LACTBL1: variants seen among roughly 807,000 people sequenced by gnomAD.
The protein encoded by LACTBL1 is beta-lactamase-like protein 1.
LACTBL1 carries 29 observed loss-of-function variants against 39.6 expected under a neutral mutation model. The ratio of observed to expected loss-of-function variants is 0.73; its 90% confidence interval spans 0.55 to 1.00. The LOEUF (loss-of-function observed/expected upper bound fraction) is 1.00. Ranked by LOEUF, LACTBL1 falls within the 50% of genes least tolerant of loss-of-function variation. The probability of loss-of-function intolerance (pLI) is 0.00; values close to 1 mark genes in which losing one functional copy is unlikely to be tolerated. For synonymous variants in LACTBL1, 361 were observed against 360.7 expected (o/e 1.00, Z -0.01); for missense variants, 711 against 748.5 (o/e 0.95, Z 0.59).
chr1:22,971,933 C>T, the LACTBL1 span, among the ~76,000 whole-genome samples: 2 of 152,096 alleles, frequency 1.3e-5, no homozygotes, highest in East Asian at 3.9e-4. Context: ...TCAGGGCTCA[C>T]AGATACAGAT....
At chr1:22,972,343 C>G in the LACTBL1 span, 1 of 985,084 alleles carries the variant, frequency 1.0e-6, no homozygotes, top group Non-Finnish European at 1.2e-6. Context: ...AAGATTCTGG[C>G]TCTTTGAGGA....
chr1:22,961,985 A>G lies in LACTBL1; in HGVS notation c.159+1122T>C, dbSNP rs112842980. ...CTGCTCTTGAACTCCTGACCTCATG[A>G]TCCACCCATCTCGGCCTCCCAAAGT... is the stretch of plus-strand genomic sequence containing the variant. On this transcript the variant is annotated intron_variant, in intron 2 of 5. Transcript: ENST00000426928. Among the ~76,000 whole-genome samples, 711 of 151,818 alleles carry G rather than the reference A, an allele frequency of 4.7e-3. 8 individuals carry two copies. The highest frequency in any genetic ancestry group is 0.016 in the African/African-American group (645 of 41,398).
exon 6 of LACTBL1, chr1:22,953,232 G>A: frequency 8.1e-7 from 1 of 1,232,062 alleles, no homozygotes; most frequent in Non-Finnish European, 1.0e-6. Context: ...CGTGGGCCAC[G>A]TGCAGCTGGA....
exon 6 of LACTBL1, chr1:22,953,466 C>A (rs1469061808): frequency 8.1e-7 from 1 of 1,228,336 alleles, no homozygotes; most frequent in African/African-American, 1.6e-5. Context: ...CCAGGGCGGG[C>A]AGGAGCTCAT....
chr1:22,963,165 T>C, exon 2 of LACTBL1: 1 of 1,320,364 alleles, frequency 7.6e-7, no homozygotes, highest in Non-Finnish European at 9.7e-7. Context: ...GGGCTCAGGG[T>C]GCCGGGGACA....
At chr1:22,968,795 ACT>A (rs1236822329), upstream of LACTBL1, among the ~76,000 whole-genome samples, 1 of 152,184 alleles carries the variant, frequency 6.6e-6, no homozygotes, top group Non-Finnish European at 1.5e-5. Flanking sequence ...ATAGTGCCTA[ACT>A]CATAAATTTG....
chr1:22,968,276 C>T (rs1640903668), upstream of LACTBL1, among the ~76,000 whole-genome samples: 2 of 152,156 alleles, frequency 1.3e-5, no homozygotes, highest in Non-Finnish European at 2.9e-5. Context: ...ACCTTAAAAA[C>T]GTGACTATTT....
Sources: allele counts gnomAD v4.1 joint callset (sites outside exome capture counted in the v4.1 genomes callset), GRCh38; gene constraint gnomAD v4.1.1; transcripts MANE v1.5; gene names NCBI Gene and HGNC (gene_info 2026-07-23, HGNC 2026-07-21).